WWOX: variants seen among roughly 807,000 people sequenced by gnomAD.
WWOX encodes WW domain containing oxidoreductase, also known as WW domain-containing oxidoreductase.
Under a neutral mutation model 46.2 loss-of-function variants are expected in WWOX, and 69 were observed. The ratio of observed to expected loss-of-function variants is 1.49; its 90% CI spans 1.23 to 1.82. WWOX has a LOEUF of 1.82. Ranked by LOEUF, WWOX falls within the 40% of genes most tolerant of loss-of-function variation. The pLI, the probability that WWOX is intolerant of heterozygous loss-of-function variation, is 0.00. For synonymous variants in WWOX, 359 were observed against 202.6 expected (o/e 1.77, Z -6.56); for missense variants, 919 against 542.6 (o/e 1.69, Z -6.89).
At chr16:78,436,380 A>T (rs561483418) in intron 8 of WWOX, among the ~76,000 whole-genome samples, 2 of 152,198 alleles carry the variant, frequency 1.3e-5, no homozygotes, top group African/African-American at 2.4e-5. Flanking sequence ...AGGAAGCCGT[A>T]GGGTGTGGAC....
At chr16:79,073,952 T>C (rs548973284) in intron 8 of WWOX, among the ~76,000 whole-genome samples, 3 of 152,206 alleles carry the variant, frequency 2.0e-5, no homozygotes, top group Admixed American at 6.5e-5. Context: ...TTTTAAAATC[T>C]CTTCTGGAGG....
At chr16:79,052,076 A>C (rs995760367) in intron 8 of WWOX, among the ~76,000 whole-genome samples, 1 of 149,688 alleles carries the variant, frequency 6.7e-6, no homozygotes, top group Admixed American at 6.7e-5. Context: ...TTTAGGGTAC[A>C]TGTGCACGTT....
chr16:78,522,049 G>C (rs555469865), intron 8 of WWOX, among the ~76,000 whole-genome samples: 1 of 151,742 alleles, frequency 6.6e-6, no homozygotes, highest in South Asian at 2.1e-4. Flanking sequence ...GTAAGTGGGA[G>C]AGCTGTTGCA....
chr16:78,693,681 G>A (rs1417718343), intron 8 of WWOX, among the ~76,000 whole-genome samples: 1 of 152,148 alleles, frequency 6.6e-6, no homozygotes, highest in Non-Finnish European at 1.5e-5. Flanking sequence ...GCATCGAGTG[G>A]ATGGAGGGCA....
At chr16:78,897,783 C>T (rs143875021) in intron 8 of WWOX, 170 of 152,246 alleles carry the variant, frequency 1.1e-3, no homozygotes, top group African/African-American at 3.5e-3. Flanking sequence ...TTTAACCCCC[C>T]GCTAGAAGTG....
At chr16:78,400,338 G>T (rs1161081683) in intron 6 of WWOX, among the ~76,000 whole-genome samples, 1 of 152,164 alleles carries the variant, frequency 6.6e-6, no homozygotes, top group Non-Finnish European at 1.5e-5. Context: ...TAGAAAAGCA[G>T]TGCCTCGATT....
At chr16:79,049,880 G>A (rs1007948049) in intron 8 of WWOX, among the ~76,000 whole-genome samples, 14 of 151,364 alleles carry the variant, frequency 9.2e-5, no homozygotes, top group Non-Finnish European at 1.9e-4. Context: ...AATATGAAGA[G>A]TGAGCAGTAC....
chr16:78,689,373 G>A (rs901024865), intron 8 of WWOX, among the ~76,000 whole-genome samples: 11 of 152,116 alleles, frequency 7.2e-5, no homozygotes, highest in Admixed American at 5.9e-4. Context: ...AAGAAACTCT[G>A]GCTGAGTCCC....
chr16:78,154,485 C>CTTTTTTTTT (rs557916068), intron 4 of WWOX, among the ~76,000 whole-genome samples: 1 of 77,784 alleles, frequency 1.3e-5, no homozygotes, highest in Non-Finnish European at 2.3e-5. Context: ...AATCCTTGAT[C>CTTTTTTTTT]TTTTTTTTTT....
intron 8 of WWOX, among the ~76,000 whole-genome samples, chr16:78,604,500 T>G (rs1334069009): frequency 2.6e-5 from 4 of 152,288 alleles, no homozygotes; most frequent in African/African-American, 9.6e-5. Context: ...GACAAAACTT[T>G]CACCATTCTT....
intron 5 of WWOX, among the ~76,000 whole-genome samples, chr16:78,252,685 C>T (rs9931596): frequency 0.031 from 4,727 of 152,234 alleles, 234 homozygotes; most frequent in African/African-American, 0.1. Context: ...GAGACGTAGA[C>T]GAGCTTTTAT....
chr16:78,209,006 T>C (rs2036477550), intron 5 of WWOX, among the ~76,000 whole-genome samples: 1 of 152,076 alleles, frequency 6.6e-6, no homozygotes, highest in Non-Finnish European at 1.5e-5. Flanking sequence ...TGTGGGTGGT[T>C]TTGTCAATTC....
chr16:78,635,729 C>T (rs373665291), intron 8 of WWOX, among the ~76,000 whole-genome samples: 2 of 152,260 alleles, frequency 1.3e-5, no homozygotes, highest in South Asian at 2.1e-4. Flanking sequence ...ACATCAATGT[C>T]GTCATCGTCC....
At chr16:78,674,278 C>CTTT (rs11386735) in intron 8 of WWOX, among the ~76,000 whole-genome samples, 3,441 of 138,644 alleles carry the variant, frequency 0.025, 53 homozygotes, top group East Asian at 0.068. Context: ...ACCAGTTCAT[C>CTTT]TTTTTTTTTT....
chr16:78,319,283 T>A lies in WWOX; in HGVS notation c.517-67577T>A, dbSNP rs554462059. Reference sequence around the variant, plus strand: ...GGAACACACCTTGCTGATGTCGTTTTACTATTTTCTTATTTATTTTTGAGA... The same window carrying A: ...GGAACACACCTTGCTGATGTCGTTTAACTATTTTCTTATTTATTTTTGAGA... On this transcript the variant is annotated intron_variant, in intron 5 of 8. Coordinates refer to ENST00000566780, the MANE Select transcript of WWOX (RefSeq NM_016373.4). Among the ~76,000 whole-genome samples, 8 of 149,322 alleles carry A rather than the reference T, an allele frequency of 5.4e-5. No homozygotes were observed. The East Asian group carries it at 1.6e-3, about 30-fold the overall frequency.
chr16:78,757,383 G>A (rs549174094), intron 8 of WWOX, among the ~76,000 whole-genome samples: 75 of 152,102 alleles, frequency 4.9e-4, no homozygotes, highest in Non-Finnish European at 9.1e-4. Flanking sequence ...AGGGAGCTGC[G>A]CTTTTGCAAA....
intron 8 of WWOX, among the ~76,000 whole-genome samples, chr16:79,191,983 A>G (rs1286324552): frequency 1.3e-5 from 2 of 152,252 alleles, no homozygotes; most frequent in East Asian, 3.8e-4. Flanking sequence ...GGCTTAAAAT[A>G]CCGCAATCAC....
chr16:78,864,811 G>T (rs2043968142), intron 8 of WWOX, among the ~76,000 whole-genome samples: 1 of 135,478 alleles, frequency 7.4e-6, no homozygotes, highest in Non-Finnish European at 1.5e-5. Flanking sequence ...TGCCCAGGCT[G>T]GAGTGCAGTG....
At chr16:78,618,224 A>G (rs1406647681) in intron 8 of WWOX, among the ~76,000 whole-genome samples, 1 of 152,172 alleles carries the variant, frequency 6.6e-6, no homozygotes, top group Non-Finnish European at 1.5e-5. Flanking sequence ...ACCTCTGTCC[A>G]TCTGAAATGG....
Sources: allele counts gnomAD v4.1 joint callset (sites outside exome capture counted in the v4.1 genomes callset), GRCh38; gene constraint gnomAD v4.1.1; transcripts MANE v1.5; gene names NCBI Gene and HGNC (gene_info 2026-07-23, HGNC 2026-07-21).